The following CCDC138 variants were observed in gnomAD, a reference collection of about 807,000 sequenced individuals.
CCDC138 encodes coiled-coil domain-containing protein 138.
Under a neutral mutation model 82.3 loss-of-function variants are expected in CCDC138, and 66 were observed. The observed-to-expected ratio is 0.80, with a 90% CI of 0.66 to 0.98. CCDC138 has a LOEUF of 0.98. Among genes scored for constraint, CCDC138 ranks in the 50% least tolerant of loss-of-function variants. The pLI is 0.00. For missense variants in CCDC138, 816 were observed against 758.9 expected (o/e 1.08, Z -0.88); for synonymous variants, 297 against 265.4 (o/e 1.12, Z -1.16).
intron 1 of CCDC138, 30 bp downstream of exon 1, chr2:108,786,945 G>T (rs752556858): frequency 2.1e-6 from 3 of 1,443,604 alleles, no homozygotes; most frequent in East Asian, 5.8e-5. Context: ...TCCGCGGGTG[G>T]GCTCCTGCTG....
intron 10 of CCDC138, among the ~76,000 whole-genome samples, chr2:108,820,699 C>CAAAAAAAAAAAAAAAA (rs764017401): frequency 9.6e-5 from 6 of 62,570 alleles, no homozygotes; most frequent in African/African-American, 2.1e-4. Context: ...ATTCAAAGTG[C>CAAAAAAAAAAAAAAAA]AAAAAAAAAA....
intron 3 of CCDC138, among the ~76,000 whole-genome samples, chr2:108,790,811 G>C (rs1222735506): frequency 6.6e-6 from 1 of 152,194 alleles, no homozygotes; most frequent in Non-Finnish European, 1.5e-5. Context: ...GAGTGCAGTA[G>C]CATAATTGTA....
At chr2:108,800,183 G>A (rs1184155378) in intron 6 of CCDC138, among the ~76,000 whole-genome samples, 8 of 152,104 alleles carry the variant, frequency 5.3e-5, no homozygotes, top group Non-Finnish European at 1.2e-4. Flanking sequence ...TTAATGCATA[G>A]ATTTTGGGTT....
At position 108,847,116 on chromosome 2, in the gene CCDC138, G is replaced by A. The variant is rs116732333; in HGVS notation, c.1516+186G>A. ...TTTGAGAAATTGAAGTCTTTAGTTGGATTCTTGCCTCCTCCCAAGAGGCCT... is the reference window on the plus strand; with the variant it reads ...TTTGAGAAATTGAAGTCTTTAGTTGAATTCTTGCCTCCTCCCAAGAGGCCT... On this transcript the variant is annotated intron_variant, in intron 12 of 14. Transcript: ENST00000295124. Among the ~76,000 whole-genome samples, 1,516 of 152,236 alleles carry A rather than the reference G, an allele frequency of 1.0e-2. 12 individuals are homozygous for A. Among genetic ancestry groups the A allele is most frequent in the Middle Eastern group, 0.024 (7 of 294 alleles).
At position 108,846,923 on chromosome 2, in the gene CCDC138, C is replaced by T. The variant is rs766674293; in HGVS notation, c.1509C>T (p.Val503=). 6.3e-7 allele frequency: 1 copy of T among 1,580,718 alleles called. No individual in the cohort carries two copies. The highest frequency in any genetic ancestry group is 8.7e-7 in the Non-Finnish European group (1 of 1,152,252). ...FLSTLIVLKT[V]TQADYLAQAF... ...CAACCTTAATTGTTCTCAAAACAGT[C>T]ACTCAAGGTAAGCTTTCAATTGTAC... The change falls in exon 12 of 15, where the codon GTC becomes GTT. Residue 503 remains valine (V), a synonymous_variant. Transcript: ENST00000295124.
intron 12 of CCDC138, among the ~76,000 whole-genome samples, chr2:108,848,073 T>C (rs887991328): frequency 1.3e-5 from 2 of 152,158 alleles, no homozygotes; most frequent in Non-Finnish European, 2.9e-5. Flanking sequence ...AGCCACACAT[T>C]AAAGCATAGA....
chr2:108,814,090 C>A (rs1268296464), intron 9 of CCDC138, among the ~76,000 whole-genome samples: 1 of 152,044 alleles, frequency 6.6e-6, no homozygotes, highest in Non-Finnish European at 1.5e-5. Flanking sequence ...GTTTTCATTT[C>A]TTTTGGATAT....
At chr2:108,814,016 A>G (rs571288113) in intron 9 of CCDC138, among the ~76,000 whole-genome samples, 3 of 152,150 alleles carry the variant, frequency 2.0e-5, no homozygotes, top group African/African-American at 7.2e-5. Context: ...GGCTTTTTCT[A>G]GTTTTTGTCT....
chr2:108,799,040 ATTG>A (rs1481957798), intron 6 of CCDC138, among the ~76,000 whole-genome samples: 3 of 151,834 alleles, frequency 2.0e-5, no homozygotes, highest in Admixed American at 2.0e-4. Context: ...TATGTCTTTT[ATTG>A]TTTGTGGGGC....
chr2:108,820,720 C>CAAAA (rs60660055), intron 10 of CCDC138, among the ~76,000 whole-genome samples: 122,885 of 142,692 alleles, frequency 0.86, 53,044 homozygotes, highest in East Asian at 0.97. Flanking sequence ...AAAAAACAAA[C>CAAAA]AACAAAACTG....
chr2:108,856,886 G>A lies in CCDC138; in HGVS notation c.1609G>A (p.Val537Ile), dbSNP rs1285137996. ...TLFLEYQAVP[V>I]ILSHLRISSK... ...GTTTTTGGAGTATCAGGCTGTTCCA[G>A]TAATATTAAGTCATCTAAGAATATC... The change falls in exon 13 of 15, where the codon GTA becomes ATA. Residue 537 changes from valine to isoleucine, a missense_variant. Coordinates refer to ENST00000295124, the MANE Select transcript of CCDC138 (RefSeq NM_144978.3). 6.2e-7 allele frequency: 1 copy of A among 1,613,036 alleles called. No individual in the cohort carries two copies. Among genetic ancestry groups the A allele is most frequent in the African/African-American group, 1.3e-5 (1 of 74,778 alleles).
At chr2:108,832,111 C>A (rs575430067) in intron 10 of CCDC138, among the ~76,000 whole-genome samples, 93 of 151,956 alleles carry the variant, frequency 6.1e-4, no homozygotes, top group African/African-American at 2.1e-3. Flanking sequence ...CTCCCTTCAA[C>A]CTCCGCCTCC....
intron 10 of CCDC138, among the ~76,000 whole-genome samples, chr2:108,838,211 C>T (rs1275931787): frequency 6.6e-6 from 1 of 152,166 alleles, no homozygotes; most frequent in Admixed American, 6.6e-5. Context: ...CAGAGGCATA[C>T]TCTAGGCCGA....
chr2:108,793,589 TTTTTG>T (rs933184709), intron 4 of CCDC138, among the ~76,000 whole-genome samples: 3 of 151,846 alleles, frequency 2.0e-5, no homozygotes, highest in Non-Finnish European at 2.9e-5. Flanking sequence ...AGGAAACTTT[TTTTTG>T]TTTTGTTTTG....
At chr2:108,854,520 A>G (rs1475976962) in intron 12 of CCDC138, among the ~76,000 whole-genome samples, 1 of 152,218 alleles carries the variant, frequency 6.6e-6, no homozygotes, top group Non-Finnish European at 1.5e-5. Flanking sequence ...TACTTATTAT[A>G]AAACTTTAAG....
At chr2:108,823,823 A>AT (rs1387075714) in intron 10 of CCDC138, among the ~76,000 whole-genome samples, 1 of 152,164 alleles carries the variant, frequency 6.6e-6, no homozygotes, top group East Asian at 1.9e-4. Flanking sequence ...CTAAAAATAC[A>AT]GAAATTAGTT....
At chr2:108,809,078 C>T (rs1683326492) in intron 7 of CCDC138, among the ~76,000 whole-genome samples, 1 of 152,102 alleles carries the variant, frequency 6.6e-6, no homozygotes, top group Admixed American at 6.6e-5. Flanking sequence ...AGACTGTCAT[C>T]TCCCTTATTA....
intron 11 of CCDC138, among the ~76,000 whole-genome samples, chr2:108,842,451 G>C (rs906771959): frequency 2.6e-5 from 4 of 152,170 alleles, no homozygotes. Context: ...GAGAGAGAAA[G>C]GGACCTGTGG....
chr2:108,858,186 A>T (rs1692945858), intron 13 of CCDC138, among the ~76,000 whole-genome samples: 1 of 152,206 alleles, frequency 6.6e-6, no homozygotes, highest in African/African-American at 2.4e-5. Flanking sequence ...TGTACTAAAA[A>T]TATAAAAATT....
Sources: gnomAD v4.1 joint callset for allele counts (sites outside exome capture counted in the v4.1 genomes callset) on GRCh38, gnomAD v4.1.1 for gene constraint, MANE v1.5 for transcripts, NCBI Gene and HGNC (gene_info 2026-07-23, HGNC 2026-07-21) for gene names.